PRKCZ: variants seen among roughly 807,000 people sequenced by gnomAD.
PRKCZ encodes the protein protein kinase C zeta.
PRKCZ carries 33 observed loss-of-function variants against 79.5 expected under a neutral mutation model. The observed-to-expected ratio is 0.41, with a 90% CI of 0.31 to 0.55. The LOEUF is 0.55. PRKCZ is among the 20% of genes least tolerant of loss of function. The pLI is 0.19. For missense variants in PRKCZ, 578 were observed against 813.5 expected (o/e 0.71, Z 3.52); for synonymous variants, 342 against 320.9 (o/e 1.07, Z -0.70).
intron 4 of PRKCZ, among the ~76,000 whole-genome samples, chr1:2,091,351 T>C (rs1261555072): frequency 6.6e-6 from 1 of 152,240 alleles, no homozygotes; most frequent in Non-Finnish European, 1.5e-5. Flanking sequence ...TGTTTTTTAA[T>C]TGTGGTAAAA....
At position 2,098,981 on chromosome 1, in the gene PRKCZ, C is replaced by G. The variant is rs918113834; in HGVS notation, c.335-36281C>G. Among the ~76,000 whole-genome samples the G allele has an allele frequency of 3.9e-5, 6 of 152,156 alleles. No individual in the cohort carries two copies. The East Asian group carries it at 1.2e-3, about 29-fold the overall frequency. On this transcript the variant is annotated intron_variant, in intron 4 of 17. Transcript: ENST00000378567. Reference sequence around the variant, plus strand: ...CAGGCGTGAGCCACCGCGCCGGGCCCAATAGTGATGTTTTTACTGCTCTGG... The same window carrying G: ...CAGGCGTGAGCCACCGCGCCGGGCCGAATAGTGATGTTTTTACTGCTCTGG...
intron 4 of PRKCZ, among the ~76,000 whole-genome samples, chr1:2,102,870 C>A (rs917924088): frequency 6.6e-6 from 1 of 151,832 alleles, no homozygotes; most frequent in Non-Finnish European, 1.5e-5. Context: ...TATATTCTGG[C>A]CCCTCCCCCC....
chr1:2,175,799 C>T (rs1572016219), intron 16 of PRKCZ, among the ~76,000 whole-genome samples: 3 of 152,202 alleles, frequency 2.0e-5, no homozygotes, highest in African/African-American at 7.2e-5. Flanking sequence ...AGTGAGGGGC[C>T]GGACGAGCTC....
intron 4 of PRKCZ, chr1:2,074,720 G>A (rs888779063): frequency 3.6e-5 from 8 of 223,760 alleles, no homozygotes; most frequent in Admixed American, 1.0e-4. Context: ...GGATGGTGGC[G>A]AGGAGCGGGG....
rs75217712 is a variant in PRKCZ, at chr1:2,178,742, C to T, written c.1575+3429C>T. Among the ~76,000 whole-genome samples the T allele has an allele frequency of 0.011, 1,626 of 152,266 alleles. 14 individuals are homozygous for T. The highest frequency in any genetic ancestry group is 0.027 in the Middle Eastern group (8 of 294). On this transcript the variant is annotated intron_variant, in intron 16 of 17. Coordinates refer to ENST00000378567, the MANE Select transcript of PRKCZ (RefSeq NM_002744.6). The surrounding 1 kb of genome is among the most constrained non-coding windows in gnomAD (Gnocchi z 4.3). ...TGGGCACAGCTTGAGAACAGTCCCTCGGTGGGTGTCAGCTCCATGTGGGAG... is the reference window on the plus strand; with the variant it reads ...TGGGCACAGCTTGAGAACAGTCCCTTGGTGGGTGTCAGCTCCATGTGGGAG...
intron 4 of PRKCZ, among the ~76,000 whole-genome samples, chr1:2,107,196 CAGTG>C (rs1668720459): frequency 1.3e-5 from 2 of 152,256 alleles, no homozygotes; most frequent in Admixed American, 1.3e-4. Flanking sequence ...ATTCGTGTAA[CAGTG>C]AGTGCTGCCT....
At chr1:2,100,558 T>C (rs562714311) in intron 4 of PRKCZ, among the ~76,000 whole-genome samples, 14 of 152,360 alleles carry the variant, frequency 9.2e-5, no homozygotes, top group East Asian at 3.9e-4. Context: ...CAGGAACTTA[T>C]GGGTACCTTG....
In PRKCZ at chr1:2,128,407, C is replaced by T. The variant is rs527725519; in HGVS notation, c.335-6855C>T. Among the ~76,000 whole-genome samples the T allele has an allele frequency of 1.3e-5, 2 of 152,216 alleles. No homozygotes were observed. The highest frequency in any genetic ancestry group is 2.4e-5 in the African/African-American group (1 of 41,464). ...CACCGCCACCGCACCCAAGGGCTGT[C>T]GCCTGTCCCAGCCTGCTGCTCCGAG... On this transcript the variant is annotated intron_variant, in intron 4 of 17. Coordinates refer to ENST00000378567, the MANE Select transcript of PRKCZ (RefSeq NM_002744.6). This position sits in a 1 kb window ranked among gnomAD's most constrained non-coding sequence, Gnocchi z 6.5.
intron 9 of PRKCZ, among the ~76,000 whole-genome samples, chr1:2,155,201 G>A (rs1478928796): frequency 2.0e-5 from 3 of 151,890 alleles, no homozygotes; most frequent in Non-Finnish European, 4.4e-5. Flanking sequence ...TGAAGATGTT[G>A]ATGATGGCGG....
chr1:2,127,861 A>G lies in PRKCZ; in HGVS notation c.335-7401A>G, dbSNP rs1260334628. Among the ~76,000 whole-genome samples the G allele has an allele frequency of 1.3e-5, 2 of 152,122 alleles. No homozygotes were observed. The highest frequency in any genetic ancestry group is 4.8e-5 in the African/African-American group (2 of 41,424). On this transcript the variant is annotated intron_variant, in intron 4 of 17. Transcript: ENST00000378567. The surrounding 1 kb of genome is among the most constrained non-coding windows in gnomAD (Gnocchi z 5.1). ...GGTGGGGAGTCCCACCCCAAACCCC[A>G]AACTCCAGTGTCTGGGCCACGGGCA...
Position 2,168,237 on chromosome 1 carries a change from T to G in PRKCZ, c.975-1281T>G, listed in dbSNP as rs1016227398. Among the ~76,000 whole-genome samples, 1 of 152,088 alleles carries G rather than the reference T, an allele frequency of 6.6e-6. No individual in the cohort carries two copies. ...GTGGCTGGAAAGCAGACATAGAAAA[T>G]AGATGCACCAGTGAGCATAGCCTCG... is the stretch of plus-strand genomic sequence containing the variant. On this transcript the variant is annotated intron_variant, in intron 10 of 17. Transcript: ENST00000378567. The surrounding 1 kb of genome is among the most constrained non-coding windows in gnomAD (Gnocchi z 4.7).
At chr1:2,081,807 A>G (rs906800854) in intron 4 of PRKCZ, among the ~76,000 whole-genome samples, 7 of 142,834 alleles carry the variant, frequency 4.9e-5, no homozygotes, top group African/African-American at 1.8e-4. Flanking sequence ...CGCCCCCCAC[A>G]CCCCACCACT....
At chr1:2,152,953 G>T (rs965014878) in intron 9 of PRKCZ, among the ~76,000 whole-genome samples, 4 of 152,264 alleles carry the variant, frequency 2.6e-5, no homozygotes, top group Admixed American at 6.5e-5. Flanking sequence ...GAAGGTTCGC[G>T]TACAAGAATC....
chr1:2,104,963 C>T (rs1032462359), intron 4 of PRKCZ: 22 of 978,810 alleles, frequency 2.2e-5, no homozygotes, highest in East Asian at 2.3e-4. Context: ...AGGGCGCGGC[C>T]GGCCTCACCC....
chr1:2,176,491 G>A (rs1369272301), intron 16 of PRKCZ, among the ~76,000 whole-genome samples: 1 of 152,222 alleles, frequency 6.6e-6, no homozygotes, highest in East Asian at 1.9e-4. Flanking sequence ...TGAAGCTGAG[G>A]AGCGTCTGTG....
intron 5 of PRKCZ, among the ~76,000 whole-genome samples, chr1:2,137,694 C>G (rs1309666860): frequency 6.6e-6 from 1 of 152,248 alleles, no homozygotes; most frequent in Non-Finnish European, 1.5e-5. Flanking sequence ...AGGGTGTGGC[C>G]TCTCACTGTG....
chr1:2,055,437 C>T lies in PRKCZ; in HGVS notation c.72-4C>T. 6.2e-7 allele frequency: 1 copy of T among 1,610,374 alleles called. No individual in the cohort carries two copies. Among genetic ancestry groups the T allele is most frequent in the Non-Finnish European group, 8.5e-7 (1 of 1,177,770 alleles). ...AACAGATGCCCATGTCCCCTCTGCC[C>T]CAGGGACATCTTCATCACCAGCGTG... On this transcript the variant is annotated splice_polypyrimidine_tract_variant and splice_region_variant and intron_variant, in intron 1 of 17. Coordinates refer to ENST00000378567, the MANE Select transcript of PRKCZ (RefSeq NM_002744.6).
At chr1:2,121,375 T>C (rs1671851306) in intron 4 of PRKCZ, among the ~76,000 whole-genome samples, 1 of 150,050 alleles carries the variant, frequency 6.7e-6, no homozygotes, top group South Asian at 2.1e-4. Flanking sequence ...CCAGAATCCA[T>C]ATGTTGAAGC....
At chr1:2,169,048 A>T (rs1344495971) in intron 10 of PRKCZ, 1 of 418,076 alleles carries the variant, frequency 2.4e-6, no homozygotes, top group Non-Finnish European at 5.0e-6. Context: ...GTTCCCTTGG[A>T]GGGCCGGTGG....
Sources: allele counts gnomAD v4.1 joint callset (sites outside exome capture counted in the v4.1 genomes callset), GRCh38; gene constraint gnomAD v4.1.1; non-coding constraint Gnocchi (gnomAD v3.1); transcripts MANE v1.5; gene names NCBI Gene and HGNC (gene_info 2026-07-23, HGNC 2026-07-21).